RPS24: variants seen among roughly 807,000 people sequenced by gnomAD.
The protein encoded by RPS24 is small ribosomal subunit protein eS24.
For missense variants in RPS24, 100 were observed against 162.5 expected, an observed-to-expected ratio of 0.62 and a Z score of 2.09; for synonymous variants, 72 against 55.6, an observed-to-expected ratio of 1.30 and a Z score of -1.31.
chr10:78,041,079 A>G (rs1304995795), downstream of RPS24, among the ~76,000 whole-genome samples: 2 of 151,808 alleles, frequency 1.3e-5, no homozygotes, highest in Non-Finnish European at 2.9e-5. Flanking sequence ...GGCTCAAGCG[A>G]TCCTCCTACC....
At chr10:78,054,790 G>C in exon 5 of RPS24, 3 of 1,551,684 alleles carry the variant, frequency 1.9e-6, no homozygotes, top group Non-Finnish European at 2.6e-6. Flanking sequence ...GCACTGGTCA[G>C]AAACGGAGCC....
intron 5 of RPS24, 139 bp downstream of exon 5, chr10:78,040,364 A>G: frequency 3.8e-6 from 3 of 795,662 alleles, no homozygotes; most frequent in Non-Finnish European, 2.1e-6. Context: ...ACCTTTTAAA[A>G]TACTAACAGT....
downstream of RPS24, among the ~76,000 whole-genome samples, chr10:78,041,694 G>A (rs1469118661): frequency 6.6e-6 from 1 of 152,188 alleles, no homozygotes; most frequent in Non-Finnish European, 1.5e-5. Flanking sequence ...GCAGAGGCAA[G>A]GTGGTGAGGA....
downstream of RPS24, among the ~76,000 whole-genome samples, chr10:78,042,847 G>A (rs567133662): frequency 2.0e-5 from 3 of 152,226 alleles, no homozygotes; most frequent in African/African-American, 4.8e-5. Context: ...ATGTAATCAG[G>A]CAGCTTTCAA....
intron 4 of RPS24, chr10:78,037,696 A>G: frequency 3.0e-6 from 1 of 338,504 alleles, no homozygotes; most frequent in Non-Finnish European, 5.7e-6. Flanking sequence ...CAGTTGGATC[A>G]ATGTGGCCCG....
At chr10:78,042,837 A>G (rs182499857), downstream of RPS24, among the ~76,000 whole-genome samples, 17 of 152,240 alleles carry the variant, frequency 1.1e-4, no homozygotes, top group South Asian at 8.3e-4. Context: ...GGATGTGCCT[A>G]TGTAATCAGG....
chr10:78,037,902 C>CTTTTTTTTTTTTTTTTTTTTTT lies in RPS24; in HGVS notation c.390+600_390+621dup, dbSNP rs55902139. The CTTTTTTTTTTTTTTTTTTTTTT allele has an allele frequency of 1.5e-3, 564 of 379,860 alleles. 1 individual carries two copies. The highest frequency in any genetic ancestry group is 4.8e-3 in the East Asian group (33 of 6,872). The allele number at this position is 379,860 out of a possible 1,614,324, so 23.5% of individuals were successfully genotyped here. A position where few individuals can be genotyped will look rare whatever the true frequency, so the allele number is the denominator to read the frequency against. On this transcript the variant is annotated intron_variant, in intron 4 of 5. Transcript: ENST00000372360. ...AACAAATAATCAAGTGTTCTGTGAA[C>CTTTTTTTTTTTTTTTTTTTTTT]TTTTTTTTTTTTTTTTTTTTTTTGC...
downstream of RPS24, among the ~76,000 whole-genome samples, chr10:78,040,936 A>G (rs529285679): frequency 2.7e-4 from 41 of 152,158 alleles, no homozygotes; most frequent in African/African-American, 9.4e-4. Flanking sequence ...AGTGGCTCAC[A>G]GTCATCAGCA....
Position 78,052,016 on chromosome 10 carries a change from A to T in RPS24, c.391-2515A>T, listed in dbSNP as rs528958460. ...CCTATTCTGTGGATTGTCCATTTTT[A>T]AAATTTATTTATTTATTTATTTATT... is the stretch of plus-strand genomic sequence containing the variant. On this transcript the variant is annotated intron_variant, in intron 4 of 4. Coordinates refer to the RPS24 transcript ENST00000440692. Among the ~76,000 whole-genome samples, 8 of 149,342 alleles carry T rather than the reference A, an allele frequency of 5.4e-5. No homozygotes were observed. The South Asian group carries it at 1.5e-3, about 28-fold the overall frequency.
intron 1 of RPS24, chr10:78,034,255 G>C (rs541895265): frequency 1.1e-5 from 5 of 450,438 alleles, no homozygotes; most frequent in Non-Finnish European, 2.0e-5. Flanking sequence ...TAGGTAGGCG[G>C]CTTGCAGGTG....
downstream of RPS24, among the ~76,000 whole-genome samples, chr10:78,043,078 A>T (rs1412874114): frequency 6.6e-6 from 1 of 152,118 alleles, no homozygotes; most frequent in Non-Finnish European, 1.5e-5. Flanking sequence ...ATCTTGGCTC[A>T]CTGCAAGCTC....
intron 1 of RPS24, among the ~76,000 whole-genome samples, chr10:78,034,707 C>T (rs1304517077): frequency 6.6e-6 from 1 of 152,214 alleles, no homozygotes; most frequent in Non-Finnish European, 1.5e-5. Flanking sequence ...GCAGTTCAGT[C>T]CTTCAGAAGG....
downstream of RPS24, among the ~76,000 whole-genome samples, chr10:78,045,119 C>T (rs373783383): frequency 7.2e-5 from 11 of 152,138 alleles, no homozygotes; most frequent in East Asian, 2.1e-3. Flanking sequence ...TCCCGAGTAG[C>T]TGGGATTACA....
Position 78,035,718 on chromosome 10 carries a change from A to C in RPS24, c.277A>C (p.Arg93=), listed in dbSNP as rs776631115. 1.0e-5 allele frequency: 16 copies of C among 1,598,538 alleles called. No homozygotes were observed. In the South Asian group the frequency reaches 1.8e-4, roughly 18 times the overall value. ...KKNEPKHRLA[R]HGLYEKKKTS... The stretch of plus-strand genomic sequence containing the variant: ...AAATGAACCCAAACATAGACTTGCA[A>C]GAGTAGGTGTCTTTTCATTTGTTGA... The change falls in exon 3 of 6, where the codon AGA becomes CGA. Residue 93 remains arginine (R), a splice_region_variant and synonymous_variant. Transcript: ENST00000372360.
chr10:78,037,122 T>A (rs1847886890), intron 3 of RPS24, 72 bp from the exon 4 acceptor site: 2 of 1,544,850 alleles, frequency 1.3e-6, no homozygotes, highest in Non-Finnish European at 1.8e-6. Context: ...ACTGGGTCAG[T>A]TTCCCTACCA....
intron 4 of RPS24, among the ~76,000 whole-genome samples, chr10:78,049,926 C>T (rs1172344905): frequency 6.6e-6 from 1 of 152,154 alleles, no homozygotes. Context: ...TTTTGGGGGA[C>T]AATGACCAGT....
chr10:78,036,165 T>A (rs1439886515), intron 3 of RPS24: 6 of 217,058 alleles, frequency 2.8e-5, no homozygotes, highest in Admixed American at 1.6e-4. Context: ...CCAGCTTACA[T>A]TCTAGTAAAC....
Position 78,040,685 on chromosome 10 carries a change from A to T in RPS24, c.*90A>T. Reference sequence around the variant, plus strand: ...GGATTTTTCGCAAGAACATTAATAAACTAAAAACTTCATGTGTCTGGTTGT... The same window carrying T: ...GGATTTTTCGCAAGAACATTAATAATCTAAAAACTTCATGTGTCTGGTTGT... On this transcript the variant is annotated 3_prime_UTR_variant, in exon 6 of 6. Transcript: ENST00000372360. 6.2e-7 allele frequency: 1 copy of T among 1,613,572 alleles called. No individual in the cohort carries two copies. The highest frequency in any genetic ancestry group is 8.5e-7 in the Non-Finnish European group (1 of 1,179,476).
intron 1 of RPS24, 189 bp downstream of exon 1, chr10:78,034,093 A>G (rs1263850091): frequency 3.9e-6 from 2 of 517,620 alleles, no homozygotes; most frequent in Non-Finnish European, 3.5e-6. Context: ...TGCGCTGTAG[A>G]CCCGGACACG....
Sources: allele counts gnomAD v4.1 joint callset (sites outside exome capture counted in the v4.1 genomes callset), GRCh38; gene constraint gnomAD v4.1.1; transcripts MANE v1.5; gene names NCBI Gene and HGNC (gene_info 2026-07-23, HGNC 2026-07-21).